Variants in INPP4B observed in about 807,000 individuals in gnomAD.
INPP4B encodes the protein inositol polyphosphate-4-phosphatase type II B.
A neutral mutation model predicts 122.5 loss-of-function variants in INPP4B; 55 were observed. The observed-to-expected ratio is 0.45, with a 90% CI of 0.36 to 0.56. INPP4B has a LOEUF of 0.56. Ranked by LOEUF, INPP4B falls within the 20% of genes least tolerant of loss-of-function variation. The pLI is 0.00. For missense variants in INPP4B, 1,000 were observed against 1,097.7 expected (o/e 0.91, Z 1.26); for synonymous variants, 403 against 388.7 (o/e 1.04, Z -0.43).
intron 2 of INPP4B, among the ~76,000 whole-genome samples, chr4:142,699,980 A>G (rs1761508804): frequency 6.6e-6 from 1 of 152,126 alleles, no homozygotes; most frequent in East Asian, 1.9e-4. Flanking sequence ...CATACAAACA[A>G]TCTATTACTT....
At chr4:142,445,562 CA>C (rs1812728552) in intron 3 of INPP4B, among the ~76,000 whole-genome samples, 1 of 152,094 alleles carries the variant, frequency 6.6e-6, no homozygotes, top group Admixed American at 6.6e-5. Context: ...ACAGATGAAG[CA>C]AAAACTGACA....
At chr4:142,154,863 A>G (rs1320523823) in intron 17 of INPP4B, among the ~76,000 whole-genome samples, 1 of 152,086 alleles carries the variant, frequency 6.6e-6, no homozygotes, top group Non-Finnish European at 1.5e-5. Flanking sequence ...TGAATGAGAC[A>G]TTGTTTTTTT....
At chr4:142,140,345 A>G (rs913059749) in intron 18 of INPP4B, among the ~76,000 whole-genome samples, 1 of 152,198 alleles carries the variant, frequency 6.6e-6, no homozygotes, top group Non-Finnish European at 1.5e-5. Context: ...GCATTTCATG[A>G]CATACTTGTG....
chr4:142,091,529 T>C (rs902935876), intron 23 of INPP4B, among the ~76,000 whole-genome samples: 10 of 152,190 alleles, frequency 6.6e-5, no homozygotes, highest in Non-Finnish European at 1.3e-4. Context: ...GGAAGCCTAC[T>C]TTCTCAGGTA....
At chr4:142,558,084 A>C (rs1729608905) in intron 2 of INPP4B, among the ~76,000 whole-genome samples, 1 of 152,160 alleles carries the variant, frequency 6.6e-6, no homozygotes, top group African/African-American at 2.4e-5. Flanking sequence ...TTCCATCCTA[A>C]GACACGGGTC....
At chr4:142,688,167 A>C (rs908953462) in intron 2 of INPP4B, among the ~76,000 whole-genome samples, 2 of 152,044 alleles carry the variant, frequency 1.3e-5, no homozygotes, top group Admixed American at 6.6e-5. Context: ...TTCCAGATTC[A>C]CTTCATCACC....
At chr4:142,218,684 T>G (rs556007141) in intron 12 of INPP4B, among the ~76,000 whole-genome samples, 1 of 152,314 alleles carries the variant, frequency 6.6e-6, no homozygotes, top group Non-Finnish European at 1.5e-5. Flanking sequence ...AGAACTTAAA[T>G]AAAGCCTTTT....
intron 2 of INPP4B, among the ~76,000 whole-genome samples, chr4:142,490,993 T>C (rs1821803149): frequency 6.6e-6 from 1 of 152,204 alleles, no homozygotes; most frequent in Non-Finnish European, 1.5e-5. Flanking sequence ...TGCTTTCATA[T>C]CTTGACTATT....
Position 142,483,182 on chromosome 4 carries a change from C to CTTTTTTTTTTTTT in INPP4B, c.-190-20469_-190-20457dup, listed in dbSNP as rs5862604. On this transcript the variant is annotated intron_variant, in intron 2 of 25. Transcript: ENST00000262992. Reference sequence around the variant, plus strand: ...TAATAATGACTGGAGTCAGGCTATGCTTTTTTTTTTTTTTTTTTTTTTTTT... The same window carrying CTTTTTTTTTTTTT: ...TAATAATGACTGGAGTCAGGCTATGCTTTTTTTTTTTTTTTTTTTTTTTTTTTTTTTTTTTTTT... 5.2e-4 allele frequency among the ~76,000 whole-genome samples: 25 copies of CTTTTTTTTTTTTT among 48,334 alleles called. 7 individuals carry two copies. Among genetic ancestry groups the CTTTTTTTTTTTTT allele is most frequent in the African/African-American group, 2.5e-3 (25 of 10,092 alleles). 31.7% of individuals were successfully genotyped at this position (48,334 alleles called of 152,430 possible). A position where few individuals can be genotyped will look rare whatever the true frequency, so the allele number is the denominator to read the frequency against.
chr4:142,305,881 G>T lies in INPP4B; in HGVS notation c.424-344C>A, dbSNP rs1763163493. ...TGATATATTTTCCATATTTACCAAT[G>T]CTGTTGTTCCTCTTATTAGAATTCC... On this transcript the variant is annotated intron_variant, in intron 8 of 25. Coordinates refer to ENST00000262992, the MANE Select transcript of INPP4B (RefSeq NM_001101669.3). 2.8e-6 allele frequency: 3 copies of T among 1,065,150 alleles called. No individual in the cohort carries two copies. In the South Asian group the frequency reaches 8.3e-5, roughly 29 times the overall value. The allele number at this position is 1,065,150 out of a possible 1,614,324, so 66.0% of individuals were successfully genotyped here.
intron 8 of INPP4B, among the ~76,000 whole-genome samples, chr4:142,313,670 G>A (rs770435546): frequency 6.6e-6 from 1 of 152,194 alleles, no homozygotes; most frequent in East Asian, 1.9e-4. Flanking sequence ...ACAGAGATTG[G>A]TAGTAGAAGT....
At chr4:142,326,797 T>C (rs1055794276) in intron 7 of INPP4B, among the ~76,000 whole-genome samples, 3 of 152,190 alleles carry the variant, frequency 2.0e-5, no homozygotes, top group Admixed American at 2.0e-4. Flanking sequence ...GGTTAATCAT[T>C]TCAGGGCATG....
At chr4:142,255,362 T>C (rs934591867) in intron 11 of INPP4B, among the ~76,000 whole-genome samples, 2 of 151,872 alleles carry the variant, frequency 1.3e-5, no homozygotes, top group Non-Finnish European at 2.9e-5. Context: ...CAATATTAAC[T>C]TTAAATGAAA....
chr4:142,554,057 C>T (rs1427038206), intron 2 of INPP4B, among the ~76,000 whole-genome samples: 1 of 151,786 alleles, frequency 6.6e-6, no homozygotes, highest in African/African-American at 2.4e-5. Flanking sequence ...GGCATGGTGG[C>T]CAGCGCCTGT....
chr4:142,170,347 T>A (rs949264723), intron 16 of INPP4B, among the ~76,000 whole-genome samples: 5 of 151,724 alleles, frequency 3.3e-5, no homozygotes, highest in African/African-American at 9.7e-5. Flanking sequence ...TTGTGCATAT[T>A]AGAACATGAA....
Position 142,252,430 on chromosome 4 carries a change from C to T in INPP4B, c.688+8062G>A, listed in dbSNP as rs566990927. Among the ~76,000 whole-genome samples, 11 of 151,974 alleles carry T rather than the reference C, an allele frequency of 7.2e-5. No individual in the cohort carries two copies. The South Asian group carries it at 1.0e-3, about 14-fold the overall frequency. ...GTCTCGATCTCCTGACCTCGTGATC[C>T]GCCCGCCTCGGCCTCCCAAAGTGCT... On this transcript the variant is annotated intron_variant, in intron 11 of 25. Transcript: ENST00000262992.
intron 9 of INPP4B, among the ~76,000 whole-genome samples, chr4:142,293,486 C>T (rs994374479): frequency 2.6e-5 from 4 of 151,970 alleles, no homozygotes; most frequent in Non-Finnish European, 4.4e-5. Context: ...ATAAACTTGC[C>T]TATTACTTCC....
At chr4:142,681,081 T>G (rs185780621) in intron 2 of INPP4B, among the ~76,000 whole-genome samples, 50 of 151,868 alleles carry the variant, frequency 3.3e-4, no homozygotes, top group African/African-American at 1.1e-3. Context: ...GGCGGTTGAG[T>G]TTTCATTCAA....
rs908091978 is a variant in INPP4B at position 142,477,612 on chromosome 4, C to A, written c.-190-14886G>T. ...AAGGAGACATTACCACTTGACCTCA[C>A]AGAAATACAAAAAACTCTCAGAGAA... On this transcript the variant is annotated intron_variant, in intron 2 of 25. Transcript: ENST00000262992. Among the ~76,000 whole-genome samples, 7 of 152,150 alleles carry A rather than the reference C, an allele frequency of 4.6e-5. No individual in the cohort carries two copies. The South Asian group carries it at 6.2e-4, about 14-fold the overall frequency.
Sources: gnomAD v4.1 joint callset for allele counts (sites outside exome capture counted in the v4.1 genomes callset) on GRCh38, gnomAD v4.1.1 for gene constraint, MANE v1.5 for transcripts, NCBI Gene and HGNC (gene_info 2026-07-23, HGNC 2026-07-21) for gene names.